The following EXOSC3 variants were observed in gnomAD, a reference collection of about 807,000 sequenced individuals.
EXOSC3 encodes exosome complex component RRP40.
A neutral mutation model predicts 25.1 loss-of-function variants in EXOSC3; 18 were observed. The observed-to-expected ratio is 0.72, with a 90% CI of 0.50 to 1.06. EXOSC3 has a LOEUF of 1.06. EXOSC3 is among the 50% of genes least tolerant of loss of function. The pLI, the probability that EXOSC3 is intolerant of heterozygous loss-of-function variation, is 0.00. For missense variants in EXOSC3, 382 were observed against 350.9 expected (o/e 1.09, Z -0.71); for synonymous variants, 165 against 132.2 (o/e 1.25, Z -1.70).
In EXOSC3 at chr9:37,780,833, TAG is replaced by T. The variant is rs758812524; in HGVS notation, c.672_673del (p.Tyr225SerfsTer15). 23 of 1,613,716 alleles carry T rather than the reference TAG, an allele frequency of 1.4e-5. No individual in the cohort carries two copies. In the East Asian group the frequency reaches 3.3e-4, roughly 23 times the overall value. On this transcript the variant is annotated frameshift_variant, in exon 4 of 4. Transcript: ENST00000327304. LOFTEE classifies it high-confidence loss of function. Reference sequence around the variant, plus strand: ...CATTCCAAATACTATCTCCAGTGGATAGAGTTTTCCCACTTCCTGTATGATTT... The same window carrying T: ...CATTCCAAATACTATCTCCAGTGGATAGTTTTCCCACTTCCTGTATGATTT...
At chr9:37,781,684 A>G (rs113930100) in intron 3 of EXOSC3, 48 of 275,976 alleles carry the variant, frequency 1.7e-4, no homozygotes, top group African/African-American at 9.3e-4. Context: ...GCCAGTTTTC[A>G]CATTTGGGCT....
chr9:37,783,048 T>C (rs1428669819), intron 2 of EXOSC3, among the ~76,000 whole-genome samples: 1 of 152,098 alleles, frequency 6.6e-6, no homozygotes, highest in Admixed American at 6.6e-5. Context: ...CATGTGCAAA[T>C]AAGGGCAGGA....
chr9:37,783,448 A>ATT (rs957151962), intron 2 of EXOSC3, among the ~76,000 whole-genome samples: 1 of 152,232 alleles, frequency 6.6e-6, no homozygotes, highest in African/African-American at 2.4e-5. Flanking sequence ...ATAGACAAGA[A>ATT]GAGTGTGGCT....
In EXOSC3 at chr9:37,784,818, T is replaced by TC. The variant is rs777100034; in HGVS notation, c.226dup (p.Asp76GlyfsTer49). ...GCCGCACTTGGTGACCAGCAGGCGG[T>TC]CCCCACAGCGCCGAAGGCCCGGACC... On this transcript the variant is annotated frameshift_variant, in exon 1 of 4. Coordinates refer to ENST00000327304, the MANE Select transcript of EXOSC3 (RefSeq NM_016042.4). LOFTEE classifies it high-confidence loss of function. The TC allele has an allele frequency of 5.0e-6, 8 of 1,608,158 alleles. No individual in the cohort carries two copies. Among genetic ancestry groups the TC allele is most frequent in the Non-Finnish European group, 4.2e-6 (5 of 1,178,132 alleles).
chr9:37,782,219 GC>G (rs746355806), intron 2 of EXOSC3, 82 bp from the exon 3 acceptor site: 42 of 1,445,234 alleles, frequency 2.9e-5, no homozygotes, highest in Non-Finnish European at 3.7e-5. Flanking sequence ...AGGCATCAAT[GC>G]CAGCCACCTA....
intron 1 of EXOSC3, 90 bp downstream of exon 1, chr9:37,784,631 C>A: frequency 7.3e-7 from 1 of 1,360,832 alleles, no homozygotes; most frequent in Non-Finnish European, 9.8e-7. Context: ...CAAAAGAGGG[C>A]CTCAGGGTCC....
At chr9:37,780,944 T>C (rs1355277291) in intron 3 of EXOSC3, 64 bp from the exon 4 acceptor site, 2 of 1,398,072 alleles carry the variant, frequency 1.4e-6, no homozygotes, top group Non-Finnish European at 2.0e-6. Flanking sequence ...GGAGTCTCCT[T>C]TAGAATGTGA....
In EXOSC3 at chr9:37,780,787, C is replaced by T; in HGVS notation, c.720G>A (p.Lys240=). 6.2e-7 allele frequency: 1 copy of T among 1,613,892 alleles called. No individual in the cohort carries two copies. The highest frequency in any genetic ancestry group is 8.5e-7 in the Non-Finnish European group (1 of 1,179,936). The change falls in exon 4 of 4, where the codon AAG becomes AAA. Residue 240 remains lysine, a synonymous_variant. Coordinates refer to ENST00000327304, the MANE Select transcript of EXOSC3 (RefSeq NM_016042.4). ...VFGMNGRIWV[K]AKTIQQTLIL... ...TTAAAGTCTGCTGGATGGTTTTTGC[C>T]TTAACCCATATTCTTCCATTCATTC... is the stretch of plus-strand genomic sequence containing the variant.
At position 37,785,022 on chromosome 9, in the gene EXOSC3, G is replaced by A. The variant is rs1462941939; in HGVS notation, c.23C>T (p.Ala8Val). The A allele has an allele frequency of 6.2e-7, 1 of 1,600,782 alleles. No homozygotes were observed. Among genetic ancestry groups the A allele is most frequent in the Non-Finnish European group, 8.5e-7 (1 of 1,171,874 alleles). The change falls in exon 1 of 4, where the codon GCG becomes GTG. Residue 8 changes from alanine (A) to valine (V), a missense_variant. Physicochemically the swap from Ala to Val is moderately conservative, Grantham distance 64. Coordinates refer to ENST00000327304, the MANE Select transcript of EXOSC3 (RefSeq NM_016042.4). Reference protein sequence around the residue: MAEPASVAAESLAGSRAR... With the variant: MAEPASVVAESLAGSRAR... ...CCTGCTGCCCGCGAGAGATTCAGCCGCGACAGACGCAGGTTCGGCCATCGC... is the reference window on the plus strand; with the variant it reads ...CCTGCTGCCCGCGAGAGATTCAGCCACGACAGACGCAGGTTCGGCCATCGC...
At position 37,780,115 on chromosome 9, in the gene EXOSC3, A is replaced by G. The variant is rs1490018652; in HGVS notation, c.*564T>C. 1.3e-5 allele frequency: 2 copies of G among 152,606 alleles called. No individual in the cohort carries two copies. Among genetic ancestry groups the G allele is most frequent in the Non-Finnish European group, 2.9e-5 (2 of 68,368 alleles). The allele number at this position is 152,606 out of a possible 1,614,324, so 9.5% of individuals were successfully genotyped here. On this transcript the variant is annotated 3_prime_UTR_variant, in exon 4 of 4. Transcript: ENST00000327304. ...TGGCATATAAGCTATAATAACTATA[A>G]TTTCAATTTGATGAATATAGAGAAT...
In EXOSC3 at chr9:37,783,754, T is replaced by C. The variant is rs185352572; in HGVS notation, c.474+160A>G. 392 of 536,356 alleles carry C rather than the reference T, an allele frequency of 7.3e-4. No homozygotes were observed. The highest frequency in any genetic ancestry group is 3.8e-3 in the Middle Eastern group (7 of 1,846). The allele number at this position is 536,356 out of a possible 1,614,324, so 33.2% of individuals were successfully genotyped here. ...AATAATAATAATTATGTGGCTCTGATCCTGGAGCATCTGAAGAAACTCTTG... is the reference window on the plus strand; with the variant it reads ...AATAATAATAATTATGTGGCTCTGACCCTGGAGCATCTGAAGAAACTCTTG... On this transcript the variant is annotated intron_variant, in intron 2 of 3. Coordinates refer to ENST00000327304, the MANE Select transcript of EXOSC3 (RefSeq NM_016042.4).
intron 1 of EXOSC3, chr9:37,784,355 A>C: frequency 2.1e-6 from 1 of 472,318 alleles, no homozygotes; most frequent in Non-Finnish European, 3.7e-6. Context: ...CCCATTCCAT[A>C]GACAATTTTT....
In EXOSC3 at chr9:37,782,055, C is replaced by T. The variant is rs748839685; in HGVS notation, c.557G>A (p.Arg186Gln). The T allele has an allele frequency of 5.0e-6, 8 of 1,614,004 alleles. No homozygotes were observed. The South Asian group carries it at 5.5e-5, about 11-fold the overall frequency. ...PEMVCIDSCG[R>Q]ANGMGVIGQD... ...TCCAATGACACCCATTCCATTGGCT[C>T]GTCCACAGCTGTCAATACAGACCAT... Residue 186 changes from arginine to glutamine, a missense_variant, in exon 3 of 4, where the codon CGA becomes CAA. Physicochemically the swap from Arg to Gln is conservative, Grantham distance 43. Coordinates refer to ENST00000327304, the MANE Select transcript of EXOSC3 (RefSeq NM_016042.4).
intron 1 of EXOSC3, 138 bp downstream of exon 1, chr9:37,784,583 G>C (rs1449628928): frequency 2.0e-5 from 19 of 946,150 alleles, no homozygotes; most frequent in Non-Finnish European, 1.8e-5. Context: ...ACATGCAGAA[G>C]TGGGCACAAG....
rs1004124500 is a variant in EXOSC3 at position 37,784,844 on chromosome 9, G to A, written c.201C>T (p.Cys67=). 5.6e-6 allele frequency: 9 copies of A among 1,607,916 alleles called. No homozygotes were observed. Among genetic ancestry groups the A allele is most frequent in the African/African-American group, 2.7e-5 (2 of 74,772 alleles). Residue 67 remains cysteine, a synonymous_variant, in exon 1 of 4, where the codon TGC becomes TGT. Transcript: ENST00000327304. ...ARACSRVRVV[C]GPGLRRCGDR... ...CCCCACAGCGCCGAAGGCCCGGACC[G>A]CATACAACGCGCACCCGCGAGCACG...
At chr9:37,781,447 G>A (rs1828594100) in intron 3 of EXOSC3, among the ~76,000 whole-genome samples, 1 of 149,790 alleles carries the variant, frequency 6.7e-6, no homozygotes, top group Non-Finnish European at 1.5e-5. Context: ...CCTGAATATG[G>A]CACAGCTTTG....
At chr9:37,781,448 C>A (rs1828594154) in intron 3 of EXOSC3, among the ~76,000 whole-genome samples, 1 of 150,104 alleles carries the variant, frequency 6.7e-6, no homozygotes, top group Non-Finnish European at 1.5e-5. Context: ...CTGAATATGG[C>A]ACAGCTTTGG....
chr9:37,782,022 C>A lies in EXOSC3; in HGVS notation c.590G>T (p.Gly197Val). 1.2e-6 allele frequency: 2 copies of A among 1,614,008 alleles called. No individual in the cohort carries two copies. The highest frequency in any genetic ancestry group is 1.7e-6 in the Non-Finnish European group (2 of 1,179,940). The change falls in exon 3 of 4, where the codon GGT becomes GTT. Residue 197 changes from glycine to valine, a missense_variant. Coordinates refer to ENST00000327304, the MANE Select transcript of EXOSC3 (RefSeq NM_016042.4). ...GCCCAGAGTCACTTTAAAAAGCAGACCATCCTGTCCAATGACACCCATTCC... is the reference window on the plus strand; with the variant it reads ...GCCCAGAGTCACTTTAAAAAGCAGAACATCCTGTCCAATGACACCCATTCC... ...ANGMGVIGQD[G>V]LLFKVTLGLI...
At chr9:37,784,673 G>C (rs1240159574) in intron 1 of EXOSC3, 48 bp downstream of exon 1, 1 of 1,530,398 alleles carries the variant, frequency 6.5e-7, no homozygotes, top group Non-Finnish European at 8.8e-7. Flanking sequence ...TCTCAAAGCA[G>C]GGCTACCACT....
Sources: allele counts gnomAD v4.1 joint callset (sites outside exome capture counted in the v4.1 genomes callset), GRCh38; gene constraint gnomAD v4.1.1; transcripts MANE v1.5; gene names NCBI Gene and HGNC (gene_info 2026-07-23, HGNC 2026-07-21).